The following ADAMTS17 variants were observed in gnomAD, a reference collection of about 807,000 sequenced individuals.
ADAMTS17 encodes ADAM metallopeptidase with thrombospondin type 1 motif 17.
ADAMTS17 carries 113 observed loss-of-function variants against 141.5 expected under a neutral mutation model. The ratio of observed to expected loss-of-function variants is 0.80; its 90% CI spans 0.69 to 0.93. The LOEUF is 0.93. ADAMTS17 is among the 40% of genes least tolerant of loss of function. The pLI is 0.00. For missense variants in ADAMTS17, 1,659 were observed against 1,517.9 expected (o/e 1.09, Z -1.54); for synonymous variants, 768 against 630.6 (o/e 1.22, Z -3.27).
chr15:100,110,785 C>T (rs563499416), intron 13 of ADAMTS17, among the ~76,000 whole-genome samples: 18 of 152,222 alleles, frequency 1.2e-4, no homozygotes, highest in Admixed American at 1.0e-3. Context: ...CTGGTGGCCC[C>T]GGGCCAGCAA....
In ADAMTS17 at chr15:99,974,409, T is replaced by TCGGCGAGC; in HGVS notation, c.3280_3281insGCTCGCCG (p.Asn1094SerfsTer20). 2 of 1,613,946 alleles carry TCGGCGAGC rather than the reference T, an allele frequency of 1.2e-6. No homozygotes were observed. The highest frequency in any genetic ancestry group is 2.7e-5 in the African/African-American group (2 of 74,992). On this transcript the variant is annotated frameshift_variant, in exon 22 of 22. Coordinates refer to ENST00000268070, the MANE Select transcript of ADAMTS17 (RefSeq NM_139057.4). LOFTEE classifies it high-confidence loss of function. The stretch of plus-strand genomic sequence containing the variant: ...GACCCTTGGGACTGCGTGTCACGAG[T>TCGGCGAGC]TCGGCGGTGGCTGGCGCATCTTGTT...
chr15:100,186,639 A>G (rs1434142607), intron 8 of ADAMTS17, among the ~76,000 whole-genome samples: 1 of 152,192 alleles, frequency 6.6e-6, no homozygotes, highest in Non-Finnish European at 1.5e-5. Flanking sequence ...CTCTACTAAT[A>G]AGCATCCATT....
rs1309396686 is a variant in ADAMTS17, at chr15:100,119,153, C to T, written c.1722-2140G>A. Among the ~76,000 whole-genome samples, 4 of 151,560 alleles carry T rather than the reference C, an allele frequency of 2.6e-5. No homozygotes were observed. The Admixed American group carries it at 2.6e-4, about 10-fold the overall frequency. ...GAGGCCTGGAACAGATTCTCCCTCA[C>T]AGTGCTCAGGAGAAACCAACCCTGT... is the stretch of plus-strand genomic sequence containing the variant. On this transcript the variant is annotated intron_variant, in intron 12 of 21. Transcript: ENST00000268070.
intron 3 of ADAMTS17, among the ~76,000 whole-genome samples, chr15:100,287,075 C>T (rs1342339194): frequency 1.3e-5 from 2 of 152,182 alleles, no homozygotes; most frequent in Non-Finnish European, 2.9e-5. Context: ...GTAGTCCCAG[C>T]TACTCAGGAG....
intron 15 of ADAMTS17, among the ~76,000 whole-genome samples, chr15:100,094,780 C>T (rs551643051): frequency 6.6e-6 from 1 of 152,324 alleles, no homozygotes; most frequent in Admixed American, 6.5e-5. Flanking sequence ...AGGAGTTTTG[C>T]TCCTAAATGT....
At chr15:99,977,460 G>A (rs1231210427) in intron 20 of ADAMTS17, among the ~76,000 whole-genome samples, 2 of 129,812 alleles carry the variant, frequency 1.5e-5, no homozygotes, top group East Asian at 4.6e-4. Context: ...CACCCAGGCT[G>A]GAGTGCAGTG....
chr15:100,022,315 G>A (rs892906), intron 18 of ADAMTS17, among the ~76,000 whole-genome samples: 26,438 of 152,050 alleles, frequency 0.17, 3,313 homozygotes, highest in African/African-American at 0.35. Flanking sequence ...CCTCCTCCTC[G>A]GCGGTGGACC....
intron 10 of ADAMTS17, among the ~76,000 whole-genome samples, chr15:100,137,352 G>C (rs748974302): frequency 5.4e-4 from 83 of 152,330 alleles, no homozygotes; most frequent in Non-Finnish European, 1.0e-3. Flanking sequence ...ATCTTTTCTA[G>C]CTGGGGAAAG....
intron 21 of ADAMTS17, 51 bp from the exon 22 acceptor site, chr15:99,974,613 T>C: frequency 6.2e-7 from 1 of 1,609,898 alleles, no homozygotes; most frequent in Non-Finnish European, 8.5e-7. Flanking sequence ...CCTAGGCATG[T>C]CCTGATGCAG....
chr15:100,124,702 T>A (rs2037634158), intron 12 of ADAMTS17, among the ~76,000 whole-genome samples: 1 of 152,252 alleles, frequency 6.6e-6, no homozygotes, highest in Admixed American at 6.5e-5. Flanking sequence ...CTTCTTTGTA[T>A]ATTCTACCTT....
chr15:100,178,878 G>T lies in ADAMTS17; in HGVS notation c.1181+20440C>A, dbSNP rs527690069. 3.3e-5 allele frequency among the ~76,000 whole-genome samples: 5 copies of T among 152,086 alleles called. No homozygotes were observed. The East Asian group carries it at 9.6e-4, about 29-fold the overall frequency. The stretch of plus-strand genomic sequence containing the variant: ...AAAAAATTTTGTGCCACTTCATTCT[G>T]GCCTCTATGATTTCAGATGAGAAAC... On this transcript the variant is annotated intron_variant, in intron 8 of 21. Transcript: ENST00000268070.
At position 99,976,200 on chromosome 15, in the gene ADAMTS17, C is replaced by A; in HGVS notation, c.2972G>T (p.Gly991Val). ...GCACTGCACCACCCGGGACTGCAGG[C>A]CCTTCCCGCAGGTCGACGAGCACTG... ...WSTCSSTCGKGLQSRVVQCMH... is the reference protein window; with the variant it reads ...WSTCSSTCGKVLQSRVVQCMH... Residue 991 changes from glycine (G) to valine (V), a missense_variant, in exon 21 of 22, where the codon GGC (glycine) becomes GTC (valine). Physicochemically the swap from Gly to Val is moderately radical, Grantham distance 109. Transcript: ENST00000268070. 6.5e-7 allele frequency: 1 copy of A among 1,548,230 alleles called. No homozygotes were observed. The highest frequency in any genetic ancestry group is 8.7e-7 in the Non-Finnish European group (1 of 1,146,986).
intron 18 of ADAMTS17, among the ~76,000 whole-genome samples, chr15:100,015,359 T>C (rs2061266853): frequency 6.6e-6 from 1 of 152,232 alleles, no homozygotes; most frequent in South Asian, 2.1e-4. Flanking sequence ...CCTATTGGGA[T>C]GTGAGGTACC....
intron 8 of ADAMTS17, among the ~76,000 whole-genome samples, chr15:100,156,584 A>T (rs1355972856): frequency 1.3e-5 from 2 of 152,172 alleles, no homozygotes; most frequent in Non-Finnish European, 2.9e-5. Context: ...AAACCTACTG[A>T]TGTCAGTGAC....
intron 7 of ADAMTS17, among the ~76,000 whole-genome samples, chr15:100,249,825 A>C (rs1042804432): frequency 1.3e-5 from 2 of 152,216 alleles, no homozygotes; most frequent in Admixed American, 1.3e-4. Context: ...CTGAGATCTG[A>C]AATCTATTTT....
Position 100,264,056 on chromosome 15 carries a change from A to T in ADAMTS17, c.790-1621T>A, listed in dbSNP as rs536201026. The stretch of plus-strand genomic sequence containing the variant: ...CTCTTTGAAAACCATTATTACAGTT[A>T]AAAAAAACCTATCTTTGTGTGACGT... On this transcript the variant is annotated intron_variant, in intron 4 of 21. Coordinates refer to ENST00000268070, the MANE Select transcript of ADAMTS17 (RefSeq NM_139057.4). Among the ~76,000 whole-genome samples, 6 of 149,472 alleles carry T rather than the reference A, an allele frequency of 4.0e-5. No homozygotes were observed. In the East Asian group the frequency reaches 9.8e-4, roughly 25 times the overall value.
chr15:100,161,192 C>T (rs1399924921), intron 8 of ADAMTS17, among the ~76,000 whole-genome samples: 3 of 152,162 alleles, frequency 2.0e-5, no homozygotes, highest in South Asian at 2.1e-4. Context: ...CAAAGCACAC[C>T]GTGCGGCGAG....
intron 12 of ADAMTS17, among the ~76,000 whole-genome samples, chr15:100,123,364 A>G (rs1259578227): frequency 6.6e-6 from 1 of 152,142 alleles, no homozygotes; most frequent in East Asian, 1.9e-4. Context: ...CAGTTAATAT[A>G]AGAGATTCGT....
At chr15:100,160,345 C>T (rs2039633589) in intron 8 of ADAMTS17, among the ~76,000 whole-genome samples, 1 of 152,174 alleles carries the variant, frequency 6.6e-6, no homozygotes, top group Admixed American at 6.5e-5. Context: ...TCCCATTCTC[C>T]CTGGCTGGGA....
Sources: allele counts gnomAD v4.1 joint callset (sites outside exome capture counted in the v4.1 genomes callset), GRCh38; gene constraint gnomAD v4.1.1; transcripts MANE v1.5; gene names NCBI Gene and HGNC (gene_info 2026-07-23, HGNC 2026-07-21).